The following CPED1 variants were observed in gnomAD, a reference collection of about 807,000 sequenced individuals.
The protein encoded by CPED1 is cadherin like and PC-esterase domain containing 1.
A neutral mutation model predicts 128.2 loss-of-function variants in CPED1; 114 were observed. The ratio of observed to expected loss-of-function variants is 0.89; its 90% confidence interval spans 0.76 to 1.04. CPED1 has a LOEUF of 1.04. CPED1 is among the 50% of genes least tolerant of loss of function. The pLI is 0.00. For missense variants in CPED1, 1,211 were observed against 1,207.1 expected, an observed-to-expected ratio of 1.00 and a Z score of -0.05; for synonymous variants, 462 against 426.7, an observed-to-expected ratio of 1.08 and a Z score of -1.02.
intron 22 of CPED1, among the ~76,000 whole-genome samples, chr7:121,275,070 C>T (rs1055811228): frequency 5.9e-5 from 9 of 151,880 alleles, no homozygotes; most frequent in Admixed American, 2.0e-4. Context: ...TAAACTATTC[C>T]CACAATAGAT....
intron 16 of CPED1, among the ~76,000 whole-genome samples, chr7:121,199,893 ATAT>A (rs1797356919): frequency 6.6e-6 from 1 of 152,106 alleles, no homozygotes; most frequent in South Asian, 2.1e-4. Flanking sequence ...TATATCCAAA[ATAT>A]TATGTTTCAA....
rs890990925 is a variant in CPED1 at position 121,141,033 on chromosome 7, G to A, written c.1886+20G>A. 2 of 1,590,152 alleles carry A rather than the reference G, an allele frequency of 1.3e-6. No individual in the cohort carries two copies. The highest frequency in any genetic ancestry group is 2.3e-5 in the East Asian group (1 of 44,346). Reference sequence around the variant, plus strand: ...GCCAAGGTATGAGATGTTGACTGGGGCTGTGTTGAGACACTATACTGGGAA... The same window carrying A: ...GCCAAGGTATGAGATGTTGACTGGGACTGTGTTGAGACACTATACTGGGAA... On this transcript the variant is annotated intron_variant, in intron 15 of 22. Transcript: ENST00000310396.
At chr7:121,057,068 C>T (rs972805634) in intron 4 of CPED1, among the ~76,000 whole-genome samples, 2 of 152,032 alleles carry the variant, frequency 1.3e-5, no homozygotes, top group Non-Finnish European at 2.9e-5. Context: ...ATCTCCACCT[C>T]CCAGGTTCAA....
intron 17 of CPED1, among the ~76,000 whole-genome samples, chr7:121,238,757 A>T (rs1487020459): frequency 7.6e-6 from 1 of 132,438 alleles, no homozygotes; most frequent in African/African-American, 2.6e-5. Context: ...AATATATATT[A>T]TATATATATA....
chr7:121,044,052 C>T (rs188101387), intron 3 of CPED1, among the ~76,000 whole-genome samples: 15 of 152,288 alleles, frequency 9.8e-5, no homozygotes, highest in Admixed American at 6.5e-4. Flanking sequence ...TGCTCCAACG[C>T]TAACTTCTCA....
At chr7:121,189,760 T>TATATATA (rs1797086934) in intron 16 of CPED1, among the ~76,000 whole-genome samples, 2 of 47,476 alleles carry the variant, frequency 4.2e-5, no homozygotes, top group Non-Finnish European at 7.7e-5. Context: ...TTATGAGGTT[T>TATATATA]TATATATATA....
At chr7:121,020,277 T>C (rs1309080583) in intron 3 of CPED1, among the ~76,000 whole-genome samples, 1 of 152,000 alleles carries the variant, frequency 6.6e-6, no homozygotes, top group Non-Finnish European at 1.5e-5. Context: ...CATATAGATA[T>C]CCTTGCCAAG....
intron 16 of CPED1, among the ~76,000 whole-genome samples, chr7:121,224,143 A>G (rs1797949162): frequency 6.6e-6 from 1 of 152,148 alleles, no homozygotes; most frequent in African/African-American, 2.4e-5. Flanking sequence ...TGTCCCAGTG[A>G]TTCTGGAACA....
At chr7:121,014,413 T>C (rs989179397) in intron 2 of CPED1, among the ~76,000 whole-genome samples, 5 of 151,870 alleles carry the variant, frequency 3.3e-5, no homozygotes, top group African/African-American at 7.3e-5. Flanking sequence ...TAGCCAGGCG[T>C]GGTGGCGGGT....
chr7:121,282,089 T>C (rs2116773768), intron 22 of CPED1, among the ~76,000 whole-genome samples: 1 of 152,326 alleles, frequency 6.6e-6, no homozygotes, highest in East Asian at 1.9e-4. Flanking sequence ...TAGTAGCTCC[T>C]TTCCTCTTAG....
chr7:120,997,015 A>G (rs1397478986), intron 2 of CPED1, among the ~76,000 whole-genome samples: 1 of 152,154 alleles, frequency 6.6e-6, no homozygotes, highest in Non-Finnish European at 1.5e-5. Context: ...ATAATCCATA[A>G]TCCACCCAAC....
At chr7:121,176,193 GAAAAAAAAAAA>G (rs34712656) in intron 16 of CPED1, among the ~76,000 whole-genome samples, 1 of 62,046 alleles carries the variant, frequency 1.6e-5, no homozygotes, top group African/African-American at 8.2e-5. Flanking sequence ...CTCCCCGCTG[GAAAAAAAAAAA>G]AAAAAAAAAA....
chr7:121,191,527 T>C (rs1457070482), intron 16 of CPED1, among the ~76,000 whole-genome samples: 1 of 152,150 alleles, frequency 6.6e-6, no homozygotes, highest in African/African-American at 2.4e-5. Context: ...TCTGCGTTCA[T>C]TTTTTATTCT....
intron 7 of CPED1, among the ~76,000 whole-genome samples, chr7:121,122,331 G>A (rs798945): frequency 0.9 from 136,388 of 151,934 alleles, 61,268 homozygotes; most frequent in Middle Eastern, 0.99. Context: ...AGTAGAGATG[G>A]GGTTTCATCA....
At chr7:121,063,545 T>C (rs953658556) in intron 4 of CPED1, among the ~76,000 whole-genome samples, 4 of 152,168 alleles carry the variant, frequency 2.6e-5, no homozygotes, top group African/African-American at 7.2e-5. Flanking sequence ...GGTTAGAGTG[T>C]GTTAATTTGA....
chr7:121,266,561 C>A (rs1792128619), intron 19 of CPED1, 114 bp downstream of exon 19: 3 of 1,178,030 alleles, frequency 2.5e-6, no homozygotes, highest in Non-Finnish European at 3.8e-6. Context: ...AGGTTAGATA[C>A]CAAGTAAGGC....
At chr7:121,027,648 A>G (rs1359241796) in intron 3 of CPED1, among the ~76,000 whole-genome samples, 2 of 151,898 alleles carry the variant, frequency 1.3e-5, no homozygotes, top group Middle Eastern at 6.3e-3. Flanking sequence ...CCCCTAGTGA[A>G]GTCTCTTTGT....
intron 5 of CPED1, among the ~76,000 whole-genome samples, chr7:121,091,872 A>G (rs1439735022): frequency 1.3e-5 from 2 of 152,186 alleles, no homozygotes; most frequent in Non-Finnish European, 2.9e-5. Context: ...GAAAAATATT[A>G]TTTAGCAACT....
intron 3 of CPED1, among the ~76,000 whole-genome samples, chr7:121,017,806 GGAAGTGCAAAAACAGCCT>G (rs1792338741): frequency 6.6e-6 from 1 of 152,116 alleles, no homozygotes; most frequent in Admixed American, 6.5e-5. Flanking sequence ...CAAATATCAA[GGAAGTGCAAAAACAGCCT>G]GAAGGCAATA....
Sources: allele counts gnomAD v4.1 joint callset (sites outside exome capture counted in the v4.1 genomes callset), GRCh38; gene constraint gnomAD v4.1.1; transcripts MANE v1.5; gene names NCBI Gene and HGNC (gene_info 2026-07-23, HGNC 2026-07-21).